PXT1: variants seen among roughly 807,000 people sequenced by gnomAD.
PXT1 encodes the protein peroxisomal testis-specific protein 1.
In PXT1, 11 loss-of-function variants were observed where a neutral mutation model predicts 11.0. The ratio of observed to expected loss-of-function variants is 1.00; its 90% confidence interval spans 0.63 to 1.66. PXT1 has a LOEUF of 1.66. PXT1 is among the 40% of genes most tolerant of loss of function. The probability of loss-of-function intolerance (pLI) is 0.00; values close to 1 mark genes in which losing one functional copy is unlikely to be tolerated. For missense variants in PXT1, 141 were observed against 155.5 expected, an observed-to-expected ratio of 0.91 and a Z score of 0.49; for synonymous variants, 43 against 51.4, an observed-to-expected ratio of 0.84 and a Z score of 0.70.
intron 2 of PXT1, among the ~76,000 whole-genome samples, chr6:36,428,402 G>A (rs1037793269): frequency 8.4e-6 from 1 of 118,672 alleles, no homozygotes; most frequent in Non-Finnish European, 1.7e-5. Context: ...CCGAGATCGC[G>A]ACAGAGCGAG....
chr6:36,439,553 C>A (rs1774824711), intron 1 of PXT1, among the ~76,000 whole-genome samples: 1 of 148,432 alleles, frequency 6.7e-6, no homozygotes, highest in Non-Finnish European at 1.5e-5. Context: ...GTGGAGGTAG[C>A]AGTGAACAGA....
chr6:36,428,770 C>A (rs1774644264), intron 2 of PXT1, among the ~76,000 whole-genome samples: 1 of 149,302 alleles, frequency 6.7e-6, no homozygotes, highest in African/African-American at 2.5e-5. Context: ...GAGACGGAGT[C>A]TCTCGCTCTA....
Position 36,400,539 on chromosome 6 carries a change from T to C in PXT1, c.215A>G (p.Lys72Arg). The C allele has an allele frequency of 1.2e-6, 2 of 1,613,970 alleles. No homozygotes were observed. Among genetic ancestry groups the C allele is most frequent in the Non-Finnish European group, 1.7e-6 (2 of 1,179,894 alleles). The stretch of plus-strand genomic sequence containing the variant: ...GTGAATTATTTCCTCCTGGTGATGC[T>C]TCTGAACAATGCTATGCTCCTTGGG... ...SQPKEHSIVQ[K>R]HHQEEIIHKL... is the part of the protein sequence containing the mutation. The change falls in exon 4 of 5, where the codon AAG (lysine) becomes AGG (arginine). Residue 72 changes from lysine to arginine, a missense_variant. By Grantham distance (26) the Lys-to-Arg change is conservative. Coordinates refer to ENST00000454782, the MANE Select transcript of PXT1 (RefSeq NM_152990.4).
chr6:36,411,633 T>C (rs1774376964), intron 3 of PXT1, among the ~76,000 whole-genome samples: 1 of 152,014 alleles, frequency 6.6e-6, no homozygotes, highest in Admixed American at 6.5e-5. Flanking sequence ...AGCTATCCAG[T>C]GTATCTTTCA....
chr6:36,424,762 A>T (rs182304209), intron 3 of PXT1, among the ~76,000 whole-genome samples: 8 of 152,298 alleles, frequency 5.3e-5, no homozygotes, highest in Non-Finnish European at 1.0e-4. Flanking sequence ...GTACTTTGGG[A>T]GGCCGAGGCG....
At chr6:36,412,048 A>G (rs1367580232) in intron 3 of PXT1, among the ~76,000 whole-genome samples, 3 of 151,924 alleles carry the variant, frequency 2.0e-5, no homozygotes, top group Non-Finnish European at 2.9e-5. Flanking sequence ...GTGTTTAGAG[A>G]GGTTTTTAAA....
chr6:36,413,581 A>G (rs1774406606), intron 3 of PXT1, among the ~76,000 whole-genome samples: 1 of 152,254 alleles, frequency 6.6e-6, no homozygotes, highest in Non-Finnish European at 1.5e-5. Context: ...TTGGCAACTG[A>G]CTTCCCATCA....
intron 3 of PXT1, among the ~76,000 whole-genome samples, chr6:36,424,556 C>A (rs549330322): frequency 5.9e-5 from 9 of 152,246 alleles, no homozygotes; most frequent in African/African-American, 2.2e-4. Flanking sequence ...AGGAGAATGG[C>A]GTGAACCTGG....
chr6:36,432,156 A>C (rs375058679), intron 2 of PXT1, among the ~76,000 whole-genome samples: 2 of 152,178 alleles, frequency 1.3e-5, no homozygotes, highest in Non-Finnish European at 2.9e-5. Flanking sequence ...CCTAGTCTAG[A>C]TGGTCAGGAA....
intron 3 of PXT1, among the ~76,000 whole-genome samples, chr6:36,420,417 G>T (rs1254596548): frequency 2.0e-5 from 3 of 152,188 alleles, no homozygotes; most frequent in African/African-American, 4.8e-5. Context: ...GACAAAGCAA[G>T]TAAGAATCAT....
chr6:36,441,110 A>AG (rs1222816333), intron 1 of PXT1, among the ~76,000 whole-genome samples: 1 of 148,608 alleles, frequency 6.7e-6, no homozygotes, highest in Non-Finnish European at 1.5e-5. Flanking sequence ...CTCCACAAAA[A>AG]GAAAAAAAAA....
At chr6:36,435,645 G>C (rs142797354) in intron 2 of PXT1, among the ~76,000 whole-genome samples, 2 of 152,010 alleles carry the variant, frequency 1.3e-5, no homozygotes, top group African/African-American at 4.8e-5. Flanking sequence ...AAAAGGCCCA[G>C]AACAACAAAT....
intron 1 of PXT1, 32 bp from the exon 2 acceptor site, chr6:36,438,918 A>G (rs938519789): frequency 1.3e-5 from 2 of 152,138 alleles, no homozygotes; most frequent in African/African-American, 4.8e-5. Flanking sequence ...TGAAAAGTAA[A>G]TTATCCCCTT....
At chr6:36,405,686 A>ACATTCACTCAC (rs1774276956) in intron 3 of PXT1, among the ~76,000 whole-genome samples, 1 of 152,222 alleles carries the variant, frequency 6.6e-6, no homozygotes. Context: ...CTAGGCTTTC[A>ACATTCACTCAC]CATTCACTCA....
At chr6:36,436,973 A>G (rs2127419168) in intron 2 of PXT1, among the ~76,000 whole-genome samples, 1 of 152,236 alleles carries the variant, frequency 6.6e-6, no homozygotes, top group Non-Finnish European at 1.5e-5. Flanking sequence ...TTGTACAGTT[A>G]CATTAATGTG....
intron 4 of PXT1, among the ~76,000 whole-genome samples, chr6:36,394,665 T>C (rs979722013): frequency 4.0e-5 from 6 of 151,010 alleles, no homozygotes; most frequent in Admixed American, 6.6e-5. Context: ...CTAAAAGTGA[T>C]GAGAAGCCTA....
intron 3 of PXT1, among the ~76,000 whole-genome samples, chr6:36,403,357 A>G (rs1186963249): frequency 6.6e-6 from 1 of 152,196 alleles, no homozygotes; most frequent in African/African-American, 2.4e-5. Flanking sequence ...ACTAATAGGG[A>G]TGTAATAGTG....
intron 2 of PXT1, among the ~76,000 whole-genome samples, chr6:36,438,019 C>T (rs1395537322): frequency 1.3e-5 from 2 of 151,440 alleles, no homozygotes; most frequent in African/African-American, 4.9e-5. Context: ...GGGGTTTCAC[C>T]ATGTTGATCA....
chr6:36,432,158 G>A (rs1278538870), intron 2 of PXT1, among the ~76,000 whole-genome samples: 2 of 152,076 alleles, frequency 1.3e-5, no homozygotes, highest in African/African-American at 2.4e-5. Flanking sequence ...TAGTCTAGAT[G>A]GTCAGGAAGG....
Sources: allele counts gnomAD v4.1 joint callset (sites outside exome capture counted in the v4.1 genomes callset), GRCh38; gene constraint gnomAD v4.1.1; transcripts MANE v1.5; gene names NCBI Gene and HGNC (gene_info 2026-07-23, HGNC 2026-07-21).